Variants in SLC14A2 observed in about 807,000 individuals in gnomAD.
The protein encoded by SLC14A2 is urea transporter 2.
SLC14A2 carries 91 observed loss-of-function variants against 104.6 expected under a neutral mutation model. The observed-to-expected ratio is 0.87, with a 90% CI of 0.73 to 1.04. SLC14A2 has a LOEUF of 1.04. Among genes scored for constraint, SLC14A2 ranks in the 50% least tolerant of loss-of-function variants. The pLI is 0.00. For synonymous variants in SLC14A2, 476 were observed against 466.4 expected, an observed-to-expected ratio of 1.02 and a Z score of -0.27; for missense variants, 1,189 against 1,156.0, an observed-to-expected ratio of 1.03 and a Z score of -0.41.
At chr18:45,567,976 C>T (rs564130281) in intron 2 of SLC14A2, among the ~76,000 whole-genome samples, 14 of 152,280 alleles carry the variant, frequency 9.2e-5, no homozygotes, top group Middle Eastern at 3.4e-3. Context: ...TTGACCCGGG[C>T]GGTTCTTTCC....
At chr18:45,661,024 G>T (rs988753207) in intron 10 of SLC14A2, among the ~76,000 whole-genome samples, 3 of 152,118 alleles carry the variant, frequency 2.0e-5, no homozygotes, top group African/African-American at 7.2e-5. Flanking sequence ...TCTTGGCCAT[G>T]TGAGAAAGGT....
At chr18:45,593,042 G>A (rs1275367282) in intron 2 of SLC14A2, among the ~76,000 whole-genome samples, 1 of 152,210 alleles carries the variant, frequency 6.6e-6, no homozygotes, top group East Asian at 1.9e-4. Context: ...GTGAGGCCGG[G>A]CGCCGTGGCT....
chr18:45,544,699 T>C (rs2043942540), intron 2 of SLC14A2, among the ~76,000 whole-genome samples: 1 of 151,752 alleles, frequency 6.6e-6, no homozygotes, highest in African/African-American at 2.4e-5. Flanking sequence ...ATAAAAATGA[T>C]ATTATGATTT....
chr18:45,457,824 C>G (rs1052616616), intron 1 of SLC14A2, among the ~76,000 whole-genome samples: 2 of 152,104 alleles, frequency 1.3e-5, no homozygotes, highest in African/African-American at 4.8e-5. Flanking sequence ...GTGCGTCTGT[C>G]TAAACCATCT....
chr18:45,251,095 G>C (rs1203484880), intron 1 of SLC14A2, among the ~76,000 whole-genome samples: 3 of 152,066 alleles, frequency 2.0e-5, no homozygotes, highest in Non-Finnish European at 4.4e-5. Context: ...GTTCTTTTGT[G>C]GTGATTTGTG....
intron 1 of SLC14A2, among the ~76,000 whole-genome samples, chr18:45,270,507 T>G (rs2084640695): frequency 6.6e-6 from 1 of 152,078 alleles, no homozygotes; most frequent in African/African-American, 2.4e-5. Context: ...AAACTTTATT[T>G]TATAGACCAA....
In SLC14A2 at chr18:45,624,805, T is replaced by C. The variant is rs778368901; in HGVS notation, c.141T>C (p.Pro47=). The C allele has an allele frequency of 6.2e-7, 1 of 1,611,172 alleles. No individual in the cohort carries two copies. The highest frequency in any genetic ancestry group is 1.1e-5 in the South Asian group (1 of 90,376). Residue 47 remains proline, a synonymous_variant, in exon 2 of 20, where the codon CCT becomes CCC. Coordinates refer to ENST00000255226, the MANE Select transcript of SLC14A2 (RefSeq NM_007163.4). The part of the protein sequence containing the change: ...THPALPLLEM[P]EEKDLRSSNE... ...CAGCTCTGCCCCTCCTGGAAATGCC[T>C]GAAGAAAAGGTGAGAAGTGTCCCTC...
intron 2 of SLC14A2, among the ~76,000 whole-genome samples, chr18:45,503,177 G>T (rs1372976119): frequency 1.3e-5 from 2 of 152,098 alleles, no homozygotes; most frequent in Non-Finnish European, 2.9e-5. Context: ...TGCTGCAGGG[G>T]AGTGATAGTA....
chr18:45,410,356 G>C (rs1027148065), intron 1 of SLC14A2, among the ~76,000 whole-genome samples: 12 of 152,102 alleles, frequency 7.9e-5, no homozygotes. Context: ...ACTTTCATGG[G>C]CAGGTCATTT....
chr18:45,526,520 T>A (rs1374842814), intron 2 of SLC14A2, among the ~76,000 whole-genome samples: 6 of 152,110 alleles, frequency 3.9e-5, no homozygotes, highest in African/African-American at 1.4e-4. Context: ...GTAATTTACT[T>A]GGAAAGATAA....
intron 1 of SLC14A2, among the ~76,000 whole-genome samples, chr18:45,616,129 G>A (rs897756713): frequency 3.3e-5 from 5 of 152,148 alleles, no homozygotes; most frequent in African/African-American, 1.2e-4. Flanking sequence ...GCACCCCTGG[G>A]TAGAACCGAG....
At chr18:45,288,793 C>T (rs1342091260) in intron 1 of SLC14A2, among the ~76,000 whole-genome samples, 1 of 152,190 alleles carries the variant, frequency 6.6e-6, no homozygotes, top group Admixed American at 6.5e-5. Context: ...ATGCCATGCC[C>T]AGTCCCCGCC....
intron 1 of SLC14A2, among the ~76,000 whole-genome samples, chr18:45,240,390 C>G (rs1036617202): frequency 5.9e-5 from 9 of 152,004 alleles, no homozygotes; most frequent in African/African-American, 2.2e-4. Flanking sequence ...CCACCACGCC[C>G]GGCCCAAATA....
intron 10 of SLC14A2, chr18:45,647,538 TG>T (rs1383058021): frequency 6.6e-6 from 1 of 152,228 alleles, no homozygotes. Context: ...AAGGTTTAAA[TG>T]TTATTTTCTA....
At chr18:45,232,173 T>C (rs941548430) in intron 1 of SLC14A2, among the ~76,000 whole-genome samples, 19 of 152,166 alleles carry the variant, frequency 1.2e-4, no homozygotes, top group African/African-American at 4.6e-4. Flanking sequence ...AGAGGTTTAA[T>C]TGACTCAGAG....
At chr18:45,536,718 T>C (rs1414057127) in intron 2 of SLC14A2, among the ~76,000 whole-genome samples, 2 of 152,084 alleles carry the variant, frequency 1.3e-5, no homozygotes, top group African/African-American at 4.8e-5. Context: ...ATTCAACCCA[T>C]GACAAAGCAA....
chr18:45,376,275 A>C (rs1410648999), intron 1 of SLC14A2, among the ~76,000 whole-genome samples: 1 of 152,202 alleles, frequency 6.6e-6, no homozygotes, highest in African/African-American at 2.4e-5. Context: ...TTGCAGGCTA[A>C]ATTGTGAAGG....
At chr18:45,265,645 T>C (rs2084584668) in intron 1 of SLC14A2, among the ~76,000 whole-genome samples, 1 of 152,206 alleles carries the variant, frequency 6.6e-6, no homozygotes, top group African/African-American at 2.4e-5. Flanking sequence ...GAGAAAATTA[T>C]AACCTGGACA....
chr18:45,450,419 A>G (rs2144609855), intron 1 of SLC14A2, among the ~76,000 whole-genome samples: 1 of 152,318 alleles, frequency 6.6e-6, no homozygotes, highest in African/African-American at 2.4e-5. Flanking sequence ...TGAAGACAAT[A>G]CAACTTGAGA....
Sources: gnomAD v4.1 joint callset for allele counts (sites outside exome capture counted in the v4.1 genomes callset) on GRCh38, gnomAD v4.1.1 for gene constraint, MANE v1.5 for transcripts, NCBI Gene and HGNC (gene_info 2026-07-23, HGNC 2026-07-21) for gene names.